CEACAM19: variants seen among roughly 807,000 people sequenced by gnomAD.
CEACAM19 encodes the protein cell adhesion molecule CEACAM19.
CEACAM19 carries 37 observed loss-of-function variants against 37.6 expected under a neutral mutation model. That is an observed-to-expected ratio of 0.98 (90% CI 0.76 to 1.29). The LOEUF is 1.29. CEACAM19 is among the 50% of genes most tolerant of loss of function. The pLI is 0.00. For synonymous variants in CEACAM19, 140 were observed against 149.8 expected (o/e 0.93, Z 0.48); for missense variants, 340 against 375.6 (o/e 0.91, Z 0.78).
chr19:44,672,016 G>A (rs1973864100), intron 1 of CEACAM19, 30 bp downstream of exon 1: 1 of 1,538,926 alleles, frequency 6.5e-7, no homozygotes, highest in Admixed American at 1.8e-5. Context: ...TAAAGGCCAA[G>A]GGGAGAAATG....
Position 44,672,777 on chromosome 19 carries a change from C to T in CEACAM19, c.237C>T (p.Thr79=), listed in dbSNP as rs1404169935. The T allele has an allele frequency of 1.9e-6, 3 of 1,582,472 alleles. No individual in the cohort carries two copies. Among genetic ancestry groups the T allele is most frequent in the Admixed American group, 3.6e-5 (2 of 55,354 alleles). ...EETYGGTRLF[T]YIPGIQRPQR... ...CGTACGGAGGCACGAGGCTATTTACCTACATCCCTGGGATACAACGGCCTC... is the reference window on the plus strand; with the variant it reads ...CGTACGGAGGCACGAGGCTATTTACTTACATCCCTGGGATACAACGGCCTC... The change falls in exon 2 of 8, where the codon ACC becomes ACT. Residue 79 remains threonine (T), a synonymous_variant. Coordinates refer to ENST00000358777, the MANE Select transcript of CEACAM19 (RefSeq NM_001127893.3).
At chr19:44,669,680 G>A (rs1403873868), upstream of CEACAM19, among the ~76,000 whole-genome samples, 1 of 151,978 alleles carries the variant, frequency 6.6e-6, no homozygotes, top group Non-Finnish European at 1.5e-5. Flanking sequence ...GCTGCCTGGT[G>A]CACCTCATGC....
At chr19:44,668,225 T>C (rs1264955470), upstream of CEACAM19, among the ~76,000 whole-genome samples, 4 of 87,054 alleles carry the variant, frequency 4.6e-5, no homozygotes, top group Non-Finnish European at 5.9e-5. Context: ...ATAATATTTA[T>C]ATATTATATT....
At chr19:44,667,767 A>G (rs1158198472), upstream of CEACAM19, among the ~76,000 whole-genome samples, 11 of 73,858 alleles carry the variant, frequency 1.5e-4, no homozygotes, top group African/African-American at 6.2e-4. Flanking sequence ...AATTATATAT[A>G]TTTATATATA....
Position 44,672,698 on chromosome 19 carries a change from T to C in CEACAM19, c.158T>C (p.Val53Ala). ...AAGAACCAGGACCTTCTCCTGTCAGTCCAGGGTGTCCCAGACACCTTCCAG... is the reference window on the plus strand; with the variant it reads ...AAGAACCAGGACCTTCTCCTGTCAGCCCAGGGTGTCCCAGACACCTTCCAG... ...PQKNQDLLLSVQGVPDTFQDF... is the reference protein window; with the variant it reads ...PQKNQDLLLSAQGVPDTFQDF... The change falls in exon 2 of 8, where the codon GTC becomes GCC. Residue 53 changes from valine (V) to alanine (A), a missense_variant. By Grantham distance (64) the Val-to-Ala change is moderately conservative (BLOSUM62 0). Transcript: ENST00000358777. 1 of 1,576,958 alleles carries C rather than the reference T, an allele frequency of 6.3e-7. No individual in the cohort carries two copies. Among genetic ancestry groups the C allele is most frequent in the South Asian group, 1.2e-5 (1 of 85,624 alleles).
rs1231659264 is a variant in CEACAM19, at chr19:44,671,650, G to A, written c.-282G>A. On this transcript the variant is annotated 5_prime_UTR_variant, in exon 1 of 8. Transcript: ENST00000358777. The stretch of plus-strand genomic sequence containing the variant: ...CTGCTGTTGTAGTCACGCTGAGTGA[G>A]AAAAAGAGGTTGAAGAGGGTCAGGG... 3 of 470,526 alleles carry A rather than the reference G, an allele frequency of 6.4e-6. No individual in the cohort carries two copies. Among genetic ancestry groups the A allele is most frequent in the African/African-American group, 5.8e-5 (3 of 52,000 alleles). The allele number at this position is 470,526 out of a possible 1,614,324, so 29.1% of individuals were successfully genotyped here. A position where few individuals can be genotyped will look rare whatever the true frequency, so the allele number is the denominator to read the frequency against.
chr19:44,681,890 A>C (rs1480869979), intron 6 of CEACAM19, among the ~76,000 whole-genome samples: 1 of 151,864 alleles, frequency 6.6e-6, no homozygotes, highest in Non-Finnish European at 1.5e-5. Context: ...AGGTCATGCC[A>C]CTGCACTCCA....
In CEACAM19 at chr19:44,683,467, T is replaced by G. The variant is rs760120330; in HGVS notation, c.877T>G (p.Cys293Gly). 4 of 1,563,800 alleles carry G rather than the reference T, an allele frequency of 2.6e-6. No homozygotes were observed. Among genetic ancestry groups the G allele is most frequent in the Admixed American group, 3.7e-5 (2 of 54,330 alleles). ...GCTAAACCCCGACCCTGCCCCCTAC[T>G]GCCAGCTGGTGCCAACTTCCTGATG... ...DLLNPDPAPYCQLVPTS is the reference protein window; with the variant it reads ...DLLNPDPAPYGQLVPTS The change falls in exon 8 of 8, where the codon TGC (cysteine) becomes GGC (glycine). Residue 293 changes from cysteine to glycine, a missense_variant. Coordinates refer to ENST00000358777, the MANE Select transcript of CEACAM19 (RefSeq NM_001127893.3).
chr19:44,682,467 T>A, intron 6 of CEACAM19, 100 bp from the exon 7 acceptor site: 3 of 1,205,772 alleles, frequency 2.5e-6, no homozygotes, highest in Non-Finnish European at 3.6e-6. Flanking sequence ...CTGGGAGGGG[T>A]GATGGGGACT....
chr19:44,682,472 G>A (rs1974078073), intron 6 of CEACAM19, 95 bp from the exon 7 acceptor site: 2 of 1,277,126 alleles, frequency 1.6e-6, no homozygotes, highest in African/African-American at 1.5e-5. Context: ...AGGGGTGATG[G>A]GGACTTGGAA....
chr19:44,667,637 TATA>T (rs1568511906), upstream of CEACAM19, among the ~76,000 whole-genome samples: 1 of 91,812 alleles, frequency 1.1e-5, no homozygotes, highest in Non-Finnish European at 2.1e-5. Flanking sequence ...TATATAAATA[TATA>T]ATATATATTA....
chr19:44,682,653 G>T, intron 7 of CEACAM19, 33 bp downstream of exon 7: 3 of 1,569,670 alleles, frequency 1.9e-6, no homozygotes, highest in Non-Finnish European at 2.6e-6. Flanking sequence ...GGGTGGTGGG[G>T]ATCCCACGGA....
At chr19:44,668,917 T>C (rs1973814203), upstream of CEACAM19, among the ~76,000 whole-genome samples, 1 of 146,428 alleles carries the variant, frequency 6.8e-6, no homozygotes, top group South Asian at 2.1e-4. Flanking sequence ...CCTCCCAGGT[T>C]CAAGTGATTC....
upstream of CEACAM19, among the ~76,000 whole-genome samples, chr19:44,670,242 G>A (rs1194280274): frequency 6.6e-6 from 1 of 151,666 alleles, no homozygotes; most frequent in Non-Finnish European, 1.5e-5. Flanking sequence ...AGGATTGCTT[G>A]AGCCCAGGAG....
At chr19:44,668,737 TATATA>T (rs776285443), upstream of CEACAM19, among the ~76,000 whole-genome samples, 2,664 of 73,184 alleles carry the variant, frequency 0.036, 61 homozygotes, top group Middle Eastern at 0.078. Context: ...ATAAATATAA[TATATA>T]ATATAATATA....
At chr19:44,674,318 AT>A (rs529395479) in intron 2 of CEACAM19, among the ~76,000 whole-genome samples, 2,077 of 143,298 alleles carry the variant, frequency 0.014, 52 homozygotes, top group African/African-American at 0.047. Context: ...GTATGCCCTT[AT>A]TTTTTTTTTT....
At chr19:44,672,159 A>G (rs1179813688) in intron 1 of CEACAM19, among the ~76,000 whole-genome samples, 173 bp downstream of exon 1, 1 of 152,192 alleles carries the variant, frequency 6.6e-6, no homozygotes, top group Non-Finnish European at 1.5e-5. Flanking sequence ...GGAATTTTCT[A>G]TAATGTTAGG....
At chr19:44,670,036 G>A (rs1973828595), upstream of CEACAM19, among the ~76,000 whole-genome samples, 1 of 152,038 alleles carries the variant, frequency 6.6e-6, no homozygotes, top group Non-Finnish European at 1.5e-5. Flanking sequence ...TAAAAACTAG[G>A]CTAAGCCAGG....
intron 2 of CEACAM19, among the ~76,000 whole-genome samples, chr19:44,673,363 A>G (rs904025530): frequency 6.6e-6 from 1 of 152,164 alleles, no homozygotes; most frequent in Non-Finnish European, 1.5e-5. Flanking sequence ...GTGGGCAATA[A>G]TGACAGCTGG....
Sources: gnomAD v4.1 joint callset for allele counts (sites outside exome capture counted in the v4.1 genomes callset) on GRCh38, gnomAD v4.1.1 for gene constraint, MANE v1.5 for transcripts, NCBI Gene and HGNC (gene_info 2026-07-23, HGNC 2026-07-21) for gene names.